The following FGF12 variants were observed in gnomAD, a reference collection of about 807,000 sequenced individuals.
FGF12 encodes fibroblast growth factor 12B.
A neutral mutation model predicts 23.6 loss-of-function variants in FGF12; 14 were observed. The ratio of observed to expected loss-of-function variants is 0.59; its 90% CI spans 0.39 to 0.93. The LOEUF (loss-of-function observed/expected upper bound fraction) is 0.93. Among genes scored for constraint, FGF12 ranks in the 40% least tolerant of loss-of-function variants. The pLI is 0.00. For synonymous variants in FGF12, 62 were observed against 77.3 expected (o/e 0.80, Z 1.04); for missense variants, 175 against 217.8 (o/e 0.80, Z 1.24).
At chr3:192,487,366 T>A (rs530297361) in intron 2 of FGF12, among the ~76,000 whole-genome samples, 1 of 152,102 alleles carries the variant, frequency 6.6e-6, no homozygotes, top group Non-Finnish European at 1.5e-5. Flanking sequence ...CACTTATTAG[T>A]CCCAGATGAC....
At chr3:192,405,535 C>A (rs1456099708) in intron 2 of FGF12, among the ~76,000 whole-genome samples, 2 of 151,224 alleles carry the variant, frequency 1.3e-5, no homozygotes, top group Admixed American at 1.3e-4. Flanking sequence ...TTCCACTTCA[C>A]CACTTTACCA....
chr3:192,547,575 A>G (rs1408374868), intron 2 of FGF12, among the ~76,000 whole-genome samples: 1 of 152,222 alleles, frequency 6.6e-6, no homozygotes, highest in Non-Finnish European at 1.5e-5. Flanking sequence ...AAATCTCAAT[A>G]TGTATACAAA....
chr3:192,656,486 T>A (rs370975206), intron 2 of FGF12, among the ~76,000 whole-genome samples: 2 of 152,286 alleles, frequency 1.3e-5, no homozygotes, highest in African/African-American at 4.8e-5. Context: ...GCCGGGGTGA[T>A]CTGGCCCCCA....
intron 4 of FGF12, among the ~76,000 whole-genome samples, chr3:192,298,285 T>G (rs1259810928): frequency 6.6e-6 from 1 of 152,114 alleles, no homozygotes; most frequent in Non-Finnish European, 1.5e-5. Context: ...GAGTTTACAA[T>G]TAACTAGAGA....
rs1371315537 is a variant in FGF12 at position 192,537,135 on chromosome 3, T to C, written c.14-176597A>G. On this transcript the variant is annotated intron_variant, in intron 2 of 5. Transcript: ENST00000445105. ...TGCTGTTATAAATGACAGGATCTCA[T>C]TCTTTTTTTATGGGTGAATAGTACA... is the stretch of plus-strand genomic sequence containing the variant. Among the ~76,000 whole-genome samples the C allele has an allele frequency of 2.0e-5, 3 of 152,214 alleles. No individual in the cohort carries two copies. The East Asian group carries it at 5.8e-4, about 29-fold the overall frequency.
intron 2 of FGF12, among the ~76,000 whole-genome samples, chr3:192,373,793 G>A (rs1333533601): frequency 1.3e-5 from 2 of 152,126 alleles, no homozygotes; most frequent in Non-Finnish European, 2.9e-5. Flanking sequence ...AAATGAACCA[G>A]TGTTTTCAGA....
Position 192,498,195 on chromosome 3 carries a change from C to A in FGF12, c.14-137657G>T, listed in dbSNP as rs150681405. ...TGCTCCTGTGGATAATTATTCTTAT[C>A]TTTAGCACCTATTTTTGAAGATGTA... On this transcript the variant is annotated intron_variant, in intron 2 of 5. Coordinates refer to ENST00000445105, the MANE Select transcript of FGF12 (RefSeq NM_004113.6). Among the ~76,000 whole-genome samples the A allele has an allele frequency of 8.2e-3, 1,244 of 152,170 alleles. 20 individuals are homozygous for A. The highest frequency in any genetic ancestry group is 0.069 in the South Asian group (334 of 4,828).
chr3:192,548,591 C>A (rs762612817), intron 2 of FGF12, among the ~76,000 whole-genome samples: 2 of 152,080 alleles, frequency 1.3e-5, no homozygotes, highest in Non-Finnish European at 2.9e-5. Flanking sequence ...GCTCATCTAC[C>A]GTGTCTAAGA....
chr3:192,657,004 T>G (rs1020450222), intron 2 of FGF12, among the ~76,000 whole-genome samples: 5 of 152,168 alleles, frequency 3.3e-5, no homozygotes, highest in African/African-American at 1.2e-4. Flanking sequence ...ACAGCACTTA[T>G]AAACAACAGA....
At chr3:192,207,683 C>A (rs1390110498) in intron 4 of FGF12, among the ~76,000 whole-genome samples, 1 of 152,104 alleles carries the variant, frequency 6.6e-6, no homozygotes, top group African/African-American at 2.4e-5. Context: ...ATTTATCCAG[C>A]AGAGGATGAA....
At position 192,251,873 on chromosome 3, in the gene FGF12, G is replaced by A. The variant is rs560788174; in HGVS notation, c.229-81217C>T. On this transcript the variant is annotated intron_variant, in intron 4 of 5. Coordinates refer to ENST00000445105, the MANE Select transcript of FGF12 (RefSeq NM_004113.6). ...TGAAGGGGCATTAGGAATACTTCGG[G>A]GAGTGGTAGAAGGGTTCCAAATATC... 2.9e-4 allele frequency among the ~76,000 whole-genome samples: 44 copies of A among 152,204 alleles called. 1 individual carries two copies. The South Asian group carries it at 8.7e-3, about 30-fold the overall frequency.
intron 4 of FGF12, among the ~76,000 whole-genome samples, chr3:192,226,261 T>C (rs982036511): frequency 6.6e-6 from 1 of 152,188 alleles, no homozygotes; most frequent in Non-Finnish European, 1.5e-5. Context: ...AATATCTTTG[T>C]TTCATGCATG....
chr3:192,160,876 T>G (rs1714831136), intron 5 of FGF12, among the ~76,000 whole-genome samples: 1 of 152,118 alleles, frequency 6.6e-6, no homozygotes, highest in East Asian at 1.9e-4. Flanking sequence ...CTGAGTTCCC[T>G]GAAACTGACC....
intron 2 of FGF12, among the ~76,000 whole-genome samples, chr3:192,468,459 A>T (rs886133901): frequency 6.6e-6 from 1 of 152,162 alleles, no homozygotes; most frequent in Non-Finnish European, 1.5e-5. Context: ...TAATCTTGAC[A>T]CTTCTGCAGT....
chr3:192,558,931 A>G (rs1711900674), intron 2 of FGF12, among the ~76,000 whole-genome samples: 1 of 152,014 alleles, frequency 6.6e-6, no homozygotes, highest in African/African-American at 2.4e-5. Context: ...ATTATATTAC[A>G]CCATAAACAA....
chr3:192,434,993 C>A (rs1002738812), intron 2 of FGF12, among the ~76,000 whole-genome samples: 13 of 152,154 alleles, frequency 8.5e-5, no homozygotes, highest in African/African-American at 3.1e-4. Flanking sequence ...AAGAAAAAGT[C>A]AGGAGAACTG....
intron 4 of FGF12, among the ~76,000 whole-genome samples, chr3:192,220,643 G>A (rs1034267008): frequency 6.6e-6 from 1 of 152,226 alleles, no homozygotes; most frequent in African/African-American, 2.4e-5. Flanking sequence ...TTAGTTGTCA[G>A]TTACGAACTA....
intron 2 of FGF12, among the ~76,000 whole-genome samples, chr3:192,622,658 G>A (rs1047621626): frequency 7.9e-5 from 12 of 152,198 alleles, no homozygotes; most frequent in Middle Eastern, 3.4e-3. Context: ...TTCTCATACC[G>A]TTTTGAACAT....
rs115417942 is a variant in FGF12, at chr3:192,512,643, T to C, written c.14-152105A>G. ...CACAATTTTCGTAAAGGTAGTTTAGTTCCCAGAAACAGTCTTCTGATACAA... is the reference window on the plus strand; with the variant it reads ...CACAATTTTCGTAAAGGTAGTTTAGCTCCCAGAAACAGTCTTCTGATACAA... On this transcript the variant is annotated intron_variant, in intron 2 of 5. Transcript: ENST00000445105. 3.2e-3 allele frequency among the ~76,000 whole-genome samples: 492 copies of C among 151,476 alleles called. 4 individuals carry two copies. Among genetic ancestry groups the C allele is most frequent in the African/African-American group, 0.012 (484 of 41,340 alleles).
Sources: allele counts gnomAD v4.1 joint callset (sites outside exome capture counted in the v4.1 genomes callset), GRCh38; gene constraint gnomAD v4.1.1; transcripts MANE v1.5; gene names NCBI Gene and HGNC (gene_info 2026-07-23, HGNC 2026-07-21).